Variants in LRP1B observed in about 807,000 individuals in gnomAD.
The protein encoded by LRP1B is low-density lipoprotein receptor-related protein 1B.
In LRP1B, 217 loss-of-function variants were observed where a neutral mutation model predicts 556.6. That is an observed-to-expected ratio of 0.39 (90% confidence interval 0.35 to 0.44). The LOEUF is 0.44. LRP1B is among the 20% of genes least tolerant of loss of function. The pLI is 1.00. For missense variants in LRP1B, 5,053 were observed against 5,620.8 expected (o/e 0.90, Z 3.23); for synonymous variants, 2,047 against 1,865.8 (o/e 1.10, Z -2.50).
At chr2:140,977,981 C>A (rs1181917755) in intron 18 of LRP1B, among the ~76,000 whole-genome samples, 1 of 152,166 alleles carries the variant, frequency 6.6e-6, no homozygotes, top group Non-Finnish European at 1.5e-5. Context: ...CCATCCAATT[C>A]CTTGACACAA....
At chr2:141,202,366 G>C (rs996551648) in intron 6 of LRP1B, among the ~76,000 whole-genome samples, 2 of 152,142 alleles carry the variant, frequency 1.3e-5, no homozygotes, top group African/African-American at 4.8e-5. Context: ...GAATAGTTCT[G>C]CAATTAACAT....
At chr2:140,292,200 ATGT>A (rs1683416501) in intron 84 of LRP1B, among the ~76,000 whole-genome samples, 1 of 152,082 alleles carries the variant, frequency 6.6e-6, no homozygotes, top group Admixed American at 6.6e-5. Context: ...GTTTAATCTC[ATGT>A]TGTTGGCACT....
intron 1 of LRP1B, among the ~76,000 whole-genome samples, chr2:141,913,071 G>A (rs1200150672): frequency 6.6e-6 from 1 of 152,158 alleles, no homozygotes; most frequent in Non-Finnish European, 1.5e-5. Context: ...TAGAGGTAAT[G>A]TTTTGCCTCC....
intron 5 of LRP1B, among the ~76,000 whole-genome samples, chr2:141,234,033 T>A (rs1190575160): frequency 6.6e-6 from 1 of 152,140 alleles, no homozygotes; most frequent in African/African-American, 2.4e-5. Context: ...TTTAACTGCA[T>A]AAAACGTTGA....
chr2:141,886,120 T>C (rs1284101482), intron 1 of LRP1B, among the ~76,000 whole-genome samples: 3 of 152,170 alleles, frequency 2.0e-5, no homozygotes, highest in Non-Finnish European at 2.9e-5. Context: ...ACTTAGAAGG[T>C]CACTGGAATA....
chr2:141,137,030 T>C (rs1701508734), intron 7 of LRP1B, among the ~76,000 whole-genome samples: 1 of 124,160 alleles, frequency 8.1e-6, no homozygotes, highest in Non-Finnish European at 1.6e-5. Context: ...CAGTCTTTCA[T>C]TATTCGAAAA....
At chr2:142,001,107 C>T (rs933490671) in intron 1 of LRP1B, among the ~76,000 whole-genome samples, 17 of 152,226 alleles carry the variant, frequency 1.1e-4, no homozygotes, top group African/African-American at 3.1e-4. Flanking sequence ...ATGTGCTTTT[C>T]GCCTTCCACC....
Position 140,976,434 on chromosome 2 carries a change from A to T in LRP1B, c.2887+5726T>A, listed in dbSNP as rs547211393. Among the ~76,000 whole-genome samples the T allele has an allele frequency of 5.3e-5, 8 of 150,820 alleles. No homozygotes were observed. In the South Asian group the frequency reaches 8.5e-4, roughly 16 times the overall value. The stretch of plus-strand genomic sequence containing the variant: ...TAAAAGATCAATATCCATAAAAATG[A>T]GTAATGTTAACTTTGCAAACTTCAG... On this transcript the variant is annotated intron_variant, in intron 18 of 90. Coordinates refer to ENST00000389484, the MANE Select transcript of LRP1B (RefSeq NM_018557.3).
intron 1 of LRP1B, among the ~76,000 whole-genome samples, chr2:141,871,811 G>A (rs1240691678): frequency 2.0e-5 from 3 of 151,930 alleles, no homozygotes; most frequent in African/African-American, 7.2e-5. Context: ...ACACTTCAAA[G>A]TCATACAGAT....
intron 41 of LRP1B, among the ~76,000 whole-genome samples, chr2:140,629,327 C>T (rs1683795461): frequency 1.3e-5 from 2 of 152,110 alleles, no homozygotes; most frequent in South Asian, 4.1e-4. Flanking sequence ...CTTGGCCTCC[C>T]AAAGTGTTGG....
intron 43 of LRP1B, among the ~76,000 whole-genome samples, chr2:140,572,478 CA>C (rs1681359263): frequency 6.6e-6 from 1 of 151,190 alleles, no homozygotes; most frequent in South Asian, 2.1e-4. Context: ...AGGCTATTAT[CA>C]AAAAGACAAA....
intron 43 of LRP1B, among the ~76,000 whole-genome samples, chr2:140,577,980 A>G (rs1389195158): frequency 1.3e-5 from 2 of 152,230 alleles, no homozygotes; most frequent in African/African-American, 2.4e-5. Context: ...GATGTTCAAT[A>G]GTTTAATCAT....
chr2:140,933,849 T>C (rs1573895622), intron 20 of LRP1B, among the ~76,000 whole-genome samples: 1 of 152,236 alleles, frequency 6.6e-6, no homozygotes, highest in East Asian at 1.9e-4. Flanking sequence ...AGAAATAGGC[T>C]TTGTTATTAA....
intron 6 of LRP1B, among the ~76,000 whole-genome samples, chr2:141,216,304 C>T (rs1455533632): frequency 6.6e-6 from 1 of 152,206 alleles, no homozygotes; most frequent in African/African-American, 2.4e-5. Context: ...GTGTTATGCC[C>T]ACACTTGCAG....
chr2:141,977,309 C>T (rs1007346178), intron 1 of LRP1B, among the ~76,000 whole-genome samples: 3 of 152,106 alleles, frequency 2.0e-5, no homozygotes, highest in East Asian at 1.9e-4. Context: ...CGGTGGCTCA[C>T]GACTATAATC....
At chr2:141,465,235 A>C (rs1047541652) in intron 3 of LRP1B, among the ~76,000 whole-genome samples, 11 of 152,174 alleles carry the variant, frequency 7.2e-5, no homozygotes, top group Admixed American at 5.2e-4. Context: ...GCTCAAGTGT[A>C]AGCTTGTATT....
chr2:140,747,727 G>C (rs192026516), intron 35 of LRP1B, among the ~76,000 whole-genome samples: 2 of 152,150 alleles, frequency 1.3e-5, no homozygotes, highest in Admixed American at 6.6e-5. Flanking sequence ...AAAATCTTGT[G>C]AAGTCTTTGA....
At chr2:140,942,059 G>T (rs991589446) in intron 20 of LRP1B, among the ~76,000 whole-genome samples, 3 of 152,082 alleles carry the variant, frequency 2.0e-5, no homozygotes, top group South Asian at 2.1e-4. Flanking sequence ...AATGATTCAA[G>T]ATTTGAAAGA....
At chr2:141,891,781 T>A (rs560415154) in intron 1 of LRP1B, among the ~76,000 whole-genome samples, 1 of 152,242 alleles carries the variant, frequency 6.6e-6, no homozygotes, top group South Asian at 2.1e-4. Context: ...TTCCTTCATA[T>A]TAATAAGCAT....
Sources: gnomAD v4.1 joint callset for allele counts (sites outside exome capture counted in the v4.1 genomes callset) on GRCh38, gnomAD v4.1.1 for gene constraint, MANE v1.5 for transcripts, NCBI Gene and HGNC (gene_info 2026-07-23, HGNC 2026-07-21) for gene names.